HAT1: variants seen among roughly 807,000 people sequenced by gnomAD.
HAT1 encodes the protein histone acetyltransferase 1.
A neutral mutation model predicts 56.6 loss-of-function variants in HAT1; 20 were observed. The ratio of observed to expected loss-of-function variants is 0.35; its 90% CI spans 0.25 to 0.51. The LOEUF (loss-of-function observed/expected upper bound fraction) is 0.51, where lower values mean the gene tolerates loss of function less well. Among genes scored for constraint, HAT1 ranks in the 20% least tolerant of loss-of-function variants. The pLI is 0.95. For synonymous variants in HAT1, 146 were observed against 165.5 expected, an observed-to-expected ratio of 0.88 and a Z score of 0.91; for missense variants, 408 against 504.3, an observed-to-expected ratio of 0.81 and a Z score of 1.83.
intron 4 of HAT1, among the ~76,000 whole-genome samples, chr2:171,960,978 CCAAAAGTG>C (rs1336838643): frequency 6.6e-6 from 1 of 152,072 alleles, no homozygotes; most frequent in African/African-American, 2.4e-5. Context: ...CTCATCTCTA[CCAAAAGTG>C]CAAAAATTAG....
At chr2:171,940,424 C>G (rs771547567) in intron 2 of HAT1, among the ~76,000 whole-genome samples, 2 of 152,142 alleles carry the variant, frequency 1.3e-5, no homozygotes, top group Non-Finnish European at 2.9e-5. Flanking sequence ...ATGGTATGAG[C>G]CTAAGGAGGA....
intron 8 of HAT1, among the ~76,000 whole-genome samples, chr2:171,968,300 A>C (rs1687730003): frequency 6.6e-6 from 1 of 152,164 alleles, no homozygotes; most frequent in African/African-American, 2.4e-5. Flanking sequence ...AAAATTGTTT[A>C]GCTTCTATTA....
intron 1 of HAT1, chr2:171,924,941 G>A (rs987308147): frequency 6.6e-6 from 1 of 151,980 alleles, no homozygotes; most frequent in African/African-American, 2.4e-5. Context: ...ATTTGTATTA[G>A]TACATGTTCA....
intron 5 of HAT1, 83 bp from the exon 6 acceptor site, chr2:171,965,704 C>T (rs1687667628): frequency 2.3e-6 from 3 of 1,316,226 alleles, no homozygotes; most frequent in Non-Finnish European, 3.2e-6. Context: ...TAAACATTTT[C>T]CCACAGGATA....
intron 2 of HAT1, among the ~76,000 whole-genome samples, chr2:171,930,011 G>C (rs1686699363): frequency 2.0e-5 from 3 of 152,144 alleles, no homozygotes; most frequent in African/African-American, 7.2e-5. Flanking sequence ...GGGGAGAATT[G>C]CTATCTTAAT....
chr2:171,966,019 A>G, intron 6 of HAT1, 111 bp downstream of exon 6: 1 of 987,522 alleles, frequency 1.0e-6, no homozygotes, highest in Non-Finnish European at 1.5e-6. Flanking sequence ...CCCAGGAAAG[A>G]AAAACTATTG....
chr2:171,953,007 A>AC lies in HAT1; in HGVS notation c.309+6_309+7insC. 3 of 1,555,456 alleles carry AC rather than the reference A, an allele frequency of 1.9e-6. No homozygotes were observed. Among genetic ancestry groups the AC allele is most frequent in the Non-Finnish European group, 2.6e-6 (3 of 1,146,772 alleles). On this transcript the variant is annotated splice_region_variant and intron_variant, in intron 4 of 10. Coordinates refer to ENST00000264108, the MANE Select transcript of HAT1 (RefSeq NM_003642.4). ...AGAACTTTGACTGTGTAGAGGTAAG[A>AC]ACAGAAATACTTTTTAAACTGTTTT...
chr2:171,929,730 G>A (rs564242613), intron 2 of HAT1, among the ~76,000 whole-genome samples: 2 of 152,252 alleles, frequency 1.3e-5, no homozygotes, highest in African/African-American at 2.4e-5. Context: ...GCCTTGGTGC[G>A]TTTTTAACAA....
chr2:171,965,711 G>A (rs1024199951), intron 5 of HAT1, 76 bp from the exon 6 acceptor site: 2 of 1,395,056 alleles, frequency 1.4e-6, no homozygotes, highest in African/African-American at 2.9e-5. Context: ...TTTCCCACAG[G>A]ATAATTTTGT....
At chr2:171,953,315 C>T (rs1312423751) in intron 4 of HAT1, among the ~76,000 whole-genome samples, 1 of 152,118 alleles carries the variant, frequency 6.6e-6, no homozygotes, top group Non-Finnish European at 1.5e-5. Context: ...CACTGTACTA[C>T]AGCCTGGATG....
chr2:171,958,117 T>C (rs1687489777), intron 4 of HAT1, among the ~76,000 whole-genome samples: 1 of 152,218 alleles, frequency 6.6e-6, no homozygotes, highest in Non-Finnish European at 1.5e-5. Flanking sequence ...TTGGCCCTTT[T>C]TTATTATTTA....
chr2:171,953,980 G>A (rs1424106016), intron 4 of HAT1, among the ~76,000 whole-genome samples: 1 of 152,110 alleles, frequency 6.6e-6, no homozygotes, highest in Non-Finnish European at 1.5e-5. Context: ...GGGTGACAGA[G>A]TGAAACTGTC....
chr2:171,973,132 T>C (rs1687861298), intron 8 of HAT1, among the ~76,000 whole-genome samples: 1 of 152,152 alleles, frequency 6.6e-6, no homozygotes, highest in Non-Finnish European at 1.5e-5. Flanking sequence ...CTCCACTCTC[T>C]TCTTGTGTCT....
chr2:171,959,734 C>T (rs1260738529), intron 4 of HAT1, among the ~76,000 whole-genome samples: 6 of 152,142 alleles, frequency 3.9e-5, no homozygotes, highest in Non-Finnish European at 7.3e-5. Flanking sequence ...GCCAGCGATA[C>T]AGTGGCAGAC....
chr2:171,942,115 G>A (rs1160374991), intron 2 of HAT1, among the ~76,000 whole-genome samples: 10 of 152,284 alleles, frequency 6.6e-5, no homozygotes, highest in Non-Finnish European at 7.4e-5. Context: ...ATGTTGGCCA[G>A]GCTGGTCTTG....
intron 4 of HAT1, among the ~76,000 whole-genome samples, chr2:171,962,566 G>A (rs1049986583): frequency 6.6e-6 from 1 of 152,086 alleles, no homozygotes; most frequent in African/African-American, 2.4e-5. Context: ...AGCTACTTTT[G>A]TATTTTTATT....
At chr2:171,963,999 A>G (rs925024690) in intron 4 of HAT1, among the ~76,000 whole-genome samples, 10 of 152,172 alleles carry the variant, frequency 6.6e-5, no homozygotes, top group Admixed American at 5.2e-4. Flanking sequence ...AATTATATAT[A>G]AATGTTGGTG....
Position 171,926,881 on chromosome 2 carries a change from C to CA in HAT1, c.112+1247dup, listed in dbSNP as rs34407020. Among the ~76,000 whole-genome samples, 3 of 151,914 alleles carry CA rather than the reference C, an allele frequency of 2.0e-5. No homozygotes were observed. The East Asian group carries it at 5.8e-4, about 29-fold the overall frequency. ...TCATAGCTGCGTTATTCACAGTAGC[C>CA]AAAAAAATGTAAGAAACCCAGATAT... On this transcript the variant is annotated intron_variant, in intron 2 of 10. Coordinates refer to ENST00000264108, the MANE Select transcript of HAT1 (RefSeq NM_003642.4).
intron 3 of HAT1, among the ~76,000 whole-genome samples, chr2:171,949,699 A>G (rs1687256383): frequency 6.6e-6 from 1 of 151,436 alleles, no homozygotes; most frequent in South Asian, 2.1e-4. Flanking sequence ...ATTTTTTTTT[A>G]AGAGATGGGG....
Sources: gnomAD v4.1 joint callset for allele counts (sites outside exome capture counted in the v4.1 genomes callset) on GRCh38, gnomAD v4.1.1 for gene constraint, MANE v1.5 for transcripts, NCBI Gene and HGNC (gene_info 2026-07-23, HGNC 2026-07-21) for gene names.